Variants in CALB2 observed in about 807,000 individuals in gnomAD.
CALB2 encodes the protein calbindin 2.
CALB2 carries 34 observed loss-of-function variants against 45.9 expected under a neutral mutation model. The observed-to-expected ratio is 0.74, with a 90% CI of 0.56 to 0.99. CALB2 has a LOEUF of 0.99. CALB2 is among the 50% of genes least tolerant of loss of function. CALB2 has a pLI of 0.00. For synonymous variants in CALB2, 142 were observed against 129.6 expected, an observed-to-expected ratio of 1.10 and a Z score of -0.65; for missense variants, 344 against 339.3, an observed-to-expected ratio of 1.01 and a Z score of -0.11.
intron 9 of CALB2, 62 bp from the exon 10 acceptor site, chr16:71,385,515 T>A: frequency 6.9e-7 from 1 of 1,450,184 alleles, no homozygotes. Context: ...ATCCCTGGAA[T>A]GGGTCGGGAC....
chr16:71,358,758 G>C lies in CALB2; in HGVS notation c.-35G>C, dbSNP rs1171133623. 1 of 1,549,062 alleles carries C rather than the reference G, an allele frequency of 6.5e-7. No individual in the cohort carries two copies. The highest frequency in any genetic ancestry group is 8.8e-7 in the Non-Finnish European group (1 of 1,135,688). ...CCAGAGCCCAGCCGGCGCGGAGCGG[G>C]AGCGGTGCAGGCTGAGGTCTCCGAG... On this transcript the variant is annotated 5_prime_UTR_variant, in exon 1 of 11. Transcript: ENST00000302628.
intron 1 of CALB2, among the ~76,000 whole-genome samples, chr16:71,363,015 C>A (rs749790483): frequency 6.6e-6 from 1 of 151,892 alleles, no homozygotes; most frequent in African/African-American, 2.4e-5. Context: ...CCCCCCCTCC[C>A]CCTACTACAA....
chr16:71,368,063 T>C (rs765711534), intron 1 of CALB2, among the ~76,000 whole-genome samples: 6 of 152,186 alleles, frequency 3.9e-5, no homozygotes, highest in Non-Finnish European at 7.3e-5. Flanking sequence ...ACACCATCAT[T>C]CTTTCATTGC....
chr16:71,358,816 C>T lies in CALB2; in HGVS notation c.24C>T (p.Pro8=). 1 of 1,610,984 alleles carries T rather than the reference C, an allele frequency of 6.2e-7. No individual in the cohort carries two copies. Among genetic ancestry groups the T allele is most frequent in the Middle Eastern group, 1.7e-4 (1 of 6,054 alleles). Residue 8 remains proline (P), a synonymous_variant, in exon 1 of 11, where the codon CCC becomes CCT. Transcript: ENST00000302628. ...CCATGGCTGGCCCGCAGCAGCAGCC[C>T]CCTTACCTGCACCTGGCCGAGCTGA... The part of the protein sequence containing the change: MAGPQQQ[P]PYLHLAELTA...
chr16:71,383,156 T>C (rs2042519743), intron 5 of CALB2, among the ~76,000 whole-genome samples: 3 of 152,118 alleles, frequency 2.0e-5, no homozygotes, highest in Admixed American at 2.0e-4. Context: ...CTAGCGCCTA[T>C]TCTGTGAGGC....
chr16:71,382,467 T>C (rs867575864), intron 4 of CALB2, among the ~76,000 whole-genome samples: 2 of 152,248 alleles, frequency 1.3e-5, no homozygotes, highest in Admixed American at 6.5e-5. Context: ...CCACTTTCGA[T>C]GGTCAAGAAT....
At chr16:71,366,013 CCT>C (rs200567880) in intron 1 of CALB2, among the ~76,000 whole-genome samples, 3,769 of 57,658 alleles carry the variant, frequency 0.065, 644 homozygotes, top group Middle Eastern at 0.24. Context: ...TGTTTTCTTC[CCT>C]CTCTCTCTCT....
chr16:71,376,822 CATGCACCCAAATACAACCAT>C (rs2042422288), intron 3 of CALB2, among the ~76,000 whole-genome samples: 2 of 152,344 alleles, frequency 1.3e-5, no homozygotes, highest in African/African-American at 4.8e-5. Context: ...CATACAACCA[CATGCACCCAAATACAACCAT>C]ATCCAACTAC....
intron 1 of CALB2, among the ~76,000 whole-genome samples, chr16:71,370,753 G>A (rs1457142137): frequency 6.6e-6 from 1 of 152,158 alleles, no homozygotes; most frequent in Non-Finnish European, 1.5e-5. Context: ...AAATCCCCAG[G>A]AGATTCTTTG....
At chr16:71,380,678 C>A (rs1206506876) in intron 4 of CALB2, among the ~76,000 whole-genome samples, 1 of 152,032 alleles carries the variant, frequency 6.6e-6, no homozygotes, top group Non-Finnish European at 1.5e-5. Flanking sequence ...GACATGCCCG[C>A]CACGGTTTCT....
intron 2 of CALB2, 30 bp downstream of exon 2, chr16:71,372,259 G>C: frequency 1.3e-6 from 2 of 1,539,394 alleles, no homozygotes; most frequent in Non-Finnish European, 1.8e-6. Context: ...CGATTGTGTG[G>C]GATTTTCCTG....
chr16:71,381,371 A>T (rs2144991455), intron 4 of CALB2, among the ~76,000 whole-genome samples: 1 of 151,782 alleles, frequency 6.6e-6, no homozygotes. Context: ...ATATAGTACA[A>T]ATCTACCCTT....
chr16:71,367,506 G>A (rs1183504854), intron 1 of CALB2, among the ~76,000 whole-genome samples: 1 of 152,182 alleles, frequency 6.6e-6, no homozygotes, highest in African/African-American at 2.4e-5. Flanking sequence ...GGAAGCCAGA[G>A]CAGCGAAGGC....
In CALB2 at chr16:71,384,824, A is replaced by G; in HGVS notation, c.615A>G (p.Thr205=). 9.3e-6 allele frequency: 15 copies of G among 1,612,548 alleles called. No homozygotes were observed. Among genetic ancestry groups the G allele is most frequent in the Non-Finnish European group, 1.2e-5 (14 of 1,179,182 alleles). The part of the protein sequence containing the change: ...LTSEEFNAIF[T]FYDKDRSGYI... ...CAGAGGAGTTTAACGCGATCTTCAC[A>G]TTTTACGACAAGGTAAGAGAGGGAG... Residue 205 remains threonine, a synonymous_variant, in exon 9 of 11, where the codon ACA becomes ACG. Transcript: ENST00000302628.
chr16:71,368,843 A>G (rs2042315023), intron 1 of CALB2, among the ~76,000 whole-genome samples: 1 of 152,214 alleles, frequency 6.6e-6, no homozygotes, highest in Non-Finnish European at 1.5e-5. Flanking sequence ...ACTGACCTTC[A>G]GCACTTTCCT....
chr16:71,380,632 A>G (rs1312637228), intron 4 of CALB2, among the ~76,000 whole-genome samples: 1 of 151,670 alleles, frequency 6.6e-6, no homozygotes, highest in Non-Finnish European at 1.5e-5. Flanking sequence ...TCTTACATGT[A>G]TTTGTCCTTC....
chr16:71,373,242 T>C (rs1162241580), intron 2 of CALB2, among the ~76,000 whole-genome samples: 1 of 152,140 alleles, frequency 6.6e-6, no homozygotes, highest in Non-Finnish European at 1.5e-5. Context: ...GCCAATCCAC[T>C]GTTTATTTGC....
chr16:71,375,647 G>C (rs930228157), intron 3 of CALB2, among the ~76,000 whole-genome samples: 1 of 152,268 alleles, frequency 6.6e-6, no homozygotes. Flanking sequence ...GGGTGCCTGA[G>C]ACAGAGATTT....
intron 6 of CALB2, among the ~76,000 whole-genome samples, chr16:71,383,668 G>A (rs1598174751): frequency 6.6e-6 from 1 of 152,162 alleles, no homozygotes; most frequent in East Asian, 1.9e-4. Context: ...TGTCTCCATG[G>A]CAACCTCTGC....
Sources: gnomAD v4.1 joint callset for allele counts (sites outside exome capture counted in the v4.1 genomes callset) on GRCh38, gnomAD v4.1.1 for gene constraint, MANE v1.5 for transcripts, NCBI Gene and HGNC (gene_info 2026-07-23, HGNC 2026-07-21) for gene names.